Variants in ZAN observed in about 807,000 individuals in gnomAD.
ZAN encodes the protein zonadhesin.
ZAN carries 260 observed loss-of-function variants against 286.2 expected under a neutral mutation model. The observed-to-expected ratio is 0.91, with a 90% CI of 0.82 to 1.01. The LOEUF (loss-of-function observed/expected upper bound fraction) is 1.01. Ranked by LOEUF, ZAN falls within the 50% of genes least tolerant of loss-of-function variation. The pLI is 0.00. For missense variants in ZAN, 3,410 were observed against 3,639.2 expected (o/e 0.94, Z 1.62); for synonymous variants, 1,368 against 1,417.5 (o/e 0.97, Z 0.79).
chr7:100,735,492 A>G (rs2131460861), intron 2 of ZAN, among the ~76,000 whole-genome samples: 1 of 135,236 alleles, frequency 7.4e-6, no homozygotes, highest in Middle Eastern at 3.5e-3. Context: ...GCTGGAGCCC[A>G]GAGGTTTGAG....
At chr7:100,779,798 CCT>C in intron 35 of ZAN, 48 bp downstream of exon 35, 1 of 1,506,654 alleles carries the variant, frequency 6.6e-7, no homozygotes, top group Non-Finnish European at 8.9e-7. Context: ...ACCCCCTTTC[CCT>C]CTCTGCTTCC....
At chr7:100,749,876 C>T (rs1358529315) in intron 11 of ZAN, among the ~76,000 whole-genome samples, 1 of 150,256 alleles carries the variant, frequency 6.7e-6, no homozygotes. Context: ...CATGGTGAAA[C>T]CCCACCTCTA....
chr7:100,770,214 G>A (rs142483958), intron 28 of ZAN, among the ~76,000 whole-genome samples: 269 of 151,286 alleles, frequency 1.8e-3, no homozygotes, highest in African/African-American at 6.2e-3. Context: ...TATTAAAAAT[G>A]TTTTAATAGG....
Position 100,768,701 on chromosome 7 carries a change from A to T in ZAN, c.5133A>T (p.Leu1711Phe). Residue 1711 changes from leucine (L) to phenylalanine (F), a missense_variant, in exon 27 of 48, where the codon TTA (leucine) becomes TTT (phenylalanine). Leu to Phe is a conservative substitution (Grantham distance 22). Around this residue, in one of 7 missense-constraint regions of ZAN, gnomAD observed 1,042 missense variants for 1,058.0 expected, o/e 0.98. Transcript: ENST00000613979. Reference sequence around the variant, plus strand: ...TGCAGCTGGGGGCCGCCTGGAAGTTACCTGAATCCTCTGAACCTGGGTGAG... The same window carrying T: ...TGCAGCTGGGGGCCGCCTGGAAGTTTCCTGAATCCTCTGAACCTGGGTGAG... ...DSMQLGAAWK[L>F]PESSEPGCFL... 1 of 1,603,610 alleles carries T rather than the reference A, an allele frequency of 6.2e-7. No homozygotes were observed. Among genetic ancestry groups the T allele is most frequent in the East Asian group, 2.2e-5 (1 of 44,492 alleles).
Position 100,758,293 on chromosome 7 carries a change from C to A in ZAN, c.3401C>A (p.Thr1134Lys). 1.9e-6 allele frequency: 3 copies of A among 1,613,344 alleles called. No homozygotes were observed. The South Asian group carries it at 3.3e-5, about 18-fold the overall frequency. ...RVECQISQCG[T>K]HTVCQLKNGQ... ...GAGTGCCAGATCTCTCAGTGTGGGACACACACCGTGTGCCAGCTTAAGAAT... is the reference window on the plus strand; with the variant it reads ...GAGTGCCAGATCTCTCAGTGTGGGAAACACACCGTGTGCCAGCTTAAGAAT... Residue 1134 changes from threonine (T) to lysine (K), a missense_variant, in exon 16 of 48, where the codon ACA (threonine) becomes AAA (lysine). Physicochemically the swap from Thr to Lys is moderately conservative, Grantham distance 78. Coordinates refer to ENST00000613979, the MANE Select transcript of ZAN (RefSeq NM_003386.3).
chr7:100,767,798 A>T lies in ZAN; in HGVS notation c.4861-33A>T, dbSNP rs553009472. ...TGCCTTTATCCCGAGTTCTTTCCTGACTCTCCTTTCTACGTCCTCCCTGCC... is the reference window on the plus strand; with the variant it reads ...TGCCTTTATCCCGAGTTCTTTCCTGTCTCTCCTTTCTACGTCCTCCCTGCC... On this transcript the variant is annotated intron_variant, in intron 25 of 47. Transcript: ENST00000613979. 5 of 1,591,800 alleles carry T rather than the reference A, an allele frequency of 3.1e-6. No individual in the cohort carries two copies. In the African/African-American group the frequency reaches 6.7e-5, roughly 21 times the overall value.
At chr7:100,742,870 CGAGGGA>C (rs1562914914) in intron 7 of ZAN, among the ~76,000 whole-genome samples, 1 of 830 alleles carries the variant, frequency 1.2e-3, no homozygotes, top group Non-Finnish European at 2.7e-3. Flanking sequence ...GAGACGGAGA[CGAGGGA>C]GAGGGAGGGG....
rs1036869841 is a variant in ZAN at position 100,785,946 on chromosome 7, G to A, written c.6835-51G>A. 45 of 1,566,376 alleles carry A rather than the reference G, an allele frequency of 2.9e-5. No homozygotes were observed. In the East Asian group the frequency reaches 4.7e-4, roughly 16 times the overall value. Reference sequence around the variant, plus strand: ...AGTGTTGGGATTACAGGCGTGAGCCGCCGCGCCCAGCCCCCTCCTCACTCT... The same window carrying A: ...AGTGTTGGGATTACAGGCGTGAGCCACCGCGCCCAGCCCCCTCCTCACTCT... On this transcript the variant is annotated intron_variant, in intron 36 of 47. Transcript: ENST00000613979.
At chr7:100,779,219 A>G (rs1811022340) in intron 34 of ZAN, among the ~76,000 whole-genome samples, 1 of 150,368 alleles carries the variant, frequency 6.7e-6, no homozygotes, top group South Asian at 2.1e-4. Flanking sequence ...AAAAAAAAAA[A>G]TTGGTCGGGC....
chr7:100,771,959 C>T lies in ZAN; in HGVS notation c.5364C>T (p.Ala1788=). ...DTTALCRSLQ[A]YASLCAQAGQ... Reference sequence around the variant, plus strand: ...CAGCCCTGTGCCGCTCCCTGCAGGCCTACGCGTCCCTGTGTGCCCAGGCTG... The same window carrying T: ...CAGCCCTGTGCCGCTCCCTGCAGGCTTACGCGTCCCTGTGTGCCCAGGCTG... The change falls in exon 29 of 48, where the codon GCC becomes GCT. Residue 1788 remains alanine, a synonymous_variant. Coordinates refer to ENST00000613979, the MANE Select transcript of ZAN (RefSeq NM_003386.3). 2 of 1,610,734 alleles carry T rather than the reference C, an allele frequency of 1.2e-6. No homozygotes were observed. The highest frequency in any genetic ancestry group is 1.3e-5 in the African/African-American group (1 of 75,018).
chr7:100,766,954 C>A, intron 24 of ZAN, 56 bp from the exon 25 acceptor site: 1 of 1,598,590 alleles, frequency 6.3e-7, no homozygotes, highest in South Asian at 1.1e-5. Flanking sequence ...AGCTCTGAGT[C>A]AAAGCTTCCG....
chr7:100,775,487 A>G lies in ZAN; in HGVS notation c.5939A>G (p.Glu1980Gly), dbSNP rs1292015266. Residue 1980 changes from glutamate to glycine, a missense_variant, in exon 32 of 48, where the codon GAA (glutamate) becomes GGA (glycine). This residue lies in a region of ZAN where 1,289 missense variants were observed against 1,314.3 expected (regional missense o/e 0.98). Coordinates refer to ENST00000613979, the MANE Select transcript of ZAN (RefSeq NM_003386.3). ...ATCAGTGCCAAGCATGAGAAGGAGG[A>G]AGGTGGAACTGAGGCTTTCCGCCTT... ...FKISAKHEKEEGGTEAFRLHE... is the reference protein window; with the variant it reads ...FKISAKHEKEGGGTEAFRLHE... 6.2e-7 allele frequency: 1 copy of G among 1,613,932 alleles called. No homozygotes were observed. The highest frequency in any genetic ancestry group is 2.2e-5 in the East Asian group (1 of 44,874).
At position 100,748,231 on chromosome 7, in the gene ZAN, G is replaced by A; in HGVS notation, c.1102+16G>A. The stretch of plus-strand genomic sequence containing the variant: ...CCTTGTGGGGGTGAGAGCAGGCCCT[G>A]AGAGGCCCGGATCTCTCAGAATCCG... On this transcript the variant is annotated intron_variant, in intron 10 of 47. Coordinates refer to ENST00000613979, the MANE Select transcript of ZAN (RefSeq NM_003386.3). The A allele has an allele frequency of 6.2e-7, 1 of 1,613,924 alleles. No individual in the cohort carries two copies. The highest frequency in any genetic ancestry group is 8.5e-7 in the Non-Finnish European group (1 of 1,179,866).
Position 100,797,696 on chromosome 7 carries a change from T to G in ZAN, c.8414-11T>G, listed in dbSNP as rs1229465334. ...CTCCTCTCATACATGGTTTTCTTGCTTTCTCCTCAGATACTGTTCTGGACT... is the reference window on the plus strand; with the variant it reads ...CTCCTCTCATACATGGTTTTCTTGCGTTCTCCTCAGATACTGTTCTGGACT... On this transcript the variant is annotated splice_polypyrimidine_tract_variant and intron_variant, in intron 47 of 47. Transcript: ENST00000613979. 2 of 1,613,896 alleles carry G rather than the reference T, an allele frequency of 1.2e-6. No homozygotes were observed. Among genetic ancestry groups the G allele is most frequent in the Non-Finnish European group, 1.7e-6 (2 of 1,179,910 alleles).
Position 100,737,093 on chromosome 7 carries a change from A to G in ZAN, c.525+13A>G. 4 of 1,486,672 alleles carry G rather than the reference A, an allele frequency of 2.7e-6. 1 individual carries two copies. Among genetic ancestry groups the G allele is most frequent in the Non-Finnish European group, 3.7e-6 (4 of 1,089,408 alleles). The allele number at this position is 1,486,672 out of a possible 1,614,324, so 92.1% of individuals were successfully genotyped here. A position where few individuals can be genotyped will look rare whatever the true frequency, so the allele number is the denominator to read the frequency against. ...CCTGCCCACCCGGGTAAGGCCGGGGACAAATTGTGGGACCTCGGGGGGGAG... is the reference window on the plus strand; with the variant it reads ...CCTGCCCACCCGGGTAAGGCCGGGGGCAAATTGTGGGACCTCGGGGGGGAG... On this transcript the variant is annotated intron_variant, in intron 5 of 47. Coordinates refer to ENST00000613979, the MANE Select transcript of ZAN (RefSeq NM_003386.3).
intron 11 of ZAN, 128 bp from the exon 12 acceptor site, chr7:100,750,497 T>C: frequency 8.5e-7 from 1 of 1,175,962 alleles, no homozygotes. Flanking sequence ...GCAGAAAAAA[T>C]AATGCTACGA....
At chr7:100,757,080 A>G (rs1167780147) in intron 15 of ZAN, among the ~76,000 whole-genome samples, 1 of 151,950 alleles carries the variant, frequency 6.6e-6, no homozygotes, top group East Asian at 1.9e-4. Flanking sequence ...ATTCACTTCT[A>G]ATAGATTCAT....
intron 11 of ZAN, among the ~76,000 whole-genome samples, chr7:100,749,623 G>A (rs1269821905): frequency 1.5e-5 from 2 of 133,154 alleles, no homozygotes; most frequent in Non-Finnish European, 3.1e-5. Flanking sequence ...CTGGGTGACA[G>A]AGTGAGACTC....
intron 17 of ZAN, among the ~76,000 whole-genome samples, chr7:100,758,911 T>A (rs1174553575): frequency 2.7e-5 from 4 of 150,590 alleles, no homozygotes; most frequent in African/African-American, 9.8e-5. Flanking sequence ...AGCAGGACTC[T>A]CATCTCCATG....
Sources: gnomAD v4.1 joint callset for allele counts (sites outside exome capture counted in the v4.1 genomes callset) on GRCh38, gnomAD v4.1.1 for gene constraint, gnomAD v4.1.1 regional missense constraint, MANE v1.5 for transcripts, NCBI Gene and HGNC (gene_info 2026-07-23, HGNC 2026-07-21) for gene names.